PRRC2C: variants seen among roughly 807,000 people sequenced by gnomAD.
PRRC2C encodes proline rich coiled-coil 2C, also known as protein PRRC2C.
A neutral mutation model predicts 317.2 loss-of-function variants in PRRC2C; 72 were observed. That is an observed-to-expected ratio of 0.23 (90% CI 0.19 to 0.28). The LOEUF is 0.28. Among genes scored for constraint, PRRC2C ranks in the 10% least tolerant of loss-of-function variants. PRRC2C has a pLI of 1.00. For missense variants in PRRC2C, 3,074 were observed against 3,459.7 expected (o/e 0.89, Z 2.80); for synonymous variants, 1,296 against 1,205.9 (o/e 1.07, Z -1.55).
chr1:171,591,876 AGGGGGGCG>A lies in PRRC2C; in HGVS notation c.*32_*39del. 1.6e-6 allele frequency: 1 copy of A among 616,336 alleles called. No homozygotes were observed. The highest frequency in any genetic ancestry group is 2.6e-6 in the Non-Finnish European group (1 of 381,350). The allele number at this position is 616,336 out of a possible 1,614,324, so 38.2% of individuals were successfully genotyped here. ...CTATGGTTTATTGCAGGGGATTGGG[AGGGGGGCG>A]GGAAAACATGGAGAATTAAGTCAGA... On this transcript the variant is annotated 3_prime_UTR_variant, in exon 35 of 35. Transcript: ENST00000647382.
At chr1:171,558,459 C>CTG (rs34829442) in intron 19 of PRRC2C, among the ~76,000 whole-genome samples, 122,703 of 151,930 alleles carry the variant, frequency 0.81, 49,674 homozygotes, top group Middle Eastern at 0.9. Flanking sequence ...TTCATGGTAA[C>CTG]TGTCAAGCAA....
chr1:171,584,611 CCAAGATG>C (rs1257574403), intron 30 of PRRC2C, 85 bp downstream of exon 30: 7 of 1,411,664 alleles, frequency 5.0e-6, no homozygotes, highest in Non-Finnish European at 6.6e-6. Flanking sequence ...TTAAATTGAA[CCAAGATG>C]CAAGATGGAG....
intron 18 of PRRC2C, among the ~76,000 whole-genome samples, chr1:171,556,390 A>G (rs1681414480): frequency 6.6e-6 from 1 of 152,174 alleles, no homozygotes; most frequent in South Asian, 2.1e-4. Context: ...GGGTGAGGCA[A>G]TGCCCTGCCC....
At position 171,541,147 on chromosome 1, in the gene PRRC2C, G is replaced by A. The variant is rs1357556266; in HGVS notation, c.3681G>A (p.Lys1227=). ...ATTATCCTCAGTATAGAGACAATAA[G>A]CCAAGAGCAGAGCATATACCCTCAG... ...TRDYPQYRDN[K]PRAEHIPSGP... Residue 1227 remains lysine, a synonymous_variant, in exon 16 of 35, where the codon AAG becomes AAA. Coordinates refer to ENST00000647382, the MANE Select transcript of PRRC2C (RefSeq NM_001387844.1). The surrounding 1 kb of genome is among the most constrained non-coding windows in gnomAD (Gnocchi z 4.1). 3 of 1,613,666 alleles carry A rather than the reference G, an allele frequency of 1.9e-6. No individual in the cohort carries two copies. Among genetic ancestry groups the A allele is most frequent in the Admixed American group, 1.7e-5 (1 of 59,936 alleles).
At chr1:171,496,693 C>T (rs1323179865) in intron 1 of PRRC2C, among the ~76,000 whole-genome samples, 1 of 151,986 alleles carries the variant, frequency 6.6e-6, no homozygotes, top group South Asian at 2.1e-4. Flanking sequence ...TCACCAGAAA[C>T]TTTAAATTTA....
chr1:171,506,195 C>T (rs540646666), intron 1 of PRRC2C, among the ~76,000 whole-genome samples: 13 of 152,298 alleles, frequency 8.5e-5, no homozygotes, highest in Admixed American at 6.5e-4. Flanking sequence ...CCGTGCCCAG[C>T]CAATTTTGCC....
intron 13 of PRRC2C, 58 bp downstream of exon 13, chr1:171,535,655 G>A (rs1429110499): frequency 1.3e-6 from 2 of 1,534,086 alleles, no homozygotes; most frequent in Non-Finnish European, 8.9e-7. Context: ...TTATGCAGTA[G>A]TCTGGGAAAT....
Position 171,535,474 on chromosome 1 carries a change from G to A in PRRC2C, c.1920G>A (p.Lys640=). The change falls in exon 13 of 35, where the codon AAG becomes AAA. Residue 640 remains lysine, a synonymous_variant. Transcript: ENST00000647382. ...GACAAGACAGCAATCGCAGTGAAAA[G>A]GAAGCCACACCAGTGGTGCATGAAA... ...FTRQDSNRSE[K]EATPVVHETE... 1.2e-6 allele frequency: 2 copies of A among 1,613,936 alleles called. No individual in the cohort carries two copies. Among genetic ancestry groups the A allele is most frequent in the Non-Finnish European group, 1.7e-6 (2 of 1,179,864 alleles).
intron 17 of PRRC2C, among the ~76,000 whole-genome samples, chr1:171,548,932 G>A (rs1209599808): frequency 1.3e-5 from 2 of 151,886 alleles, no homozygotes; most frequent in Non-Finnish European, 2.9e-5. Flanking sequence ...GCTCATTGCA[G>A]TCTCAACCTC....
chr1:171,522,290 G>A (rs774548498), intron 7 of PRRC2C, 31 bp downstream of exon 7: 2 of 1,410,314 alleles, frequency 1.4e-6, no homozygotes, highest in Non-Finnish European at 2.0e-6. Context: ...AAGTCTGTAA[G>A]GAATATATGC....
rs372650554 is a variant in PRRC2C at position 171,542,026 on chromosome 1, C to T, written c.4560C>T (p.Asp1520=). Residue 1520 remains aspartate (D), a synonymous_variant, in exon 16 of 35, where the codon GAC becomes GAT. Transcript: ENST00000647382. ...RRERDEKKNA[D]LNAQTVVKVG... ...AGAGGGATGAAAAAAAAAATGCTGACTTGAATGCACAAACAGTTGTAAAGG... is the reference window on the plus strand; with the variant it reads ...AGAGGGATGAAAAAAAAAATGCTGATTTGAATGCACAAACAGTTGTAAAGG... The T allele has an allele frequency of 1.9e-6, 3 of 1,613,634 alleles. No homozygotes were observed. Among genetic ancestry groups the T allele is most frequent in the African/African-American group, 1.3e-5 (1 of 74,854 alleles).
chr1:171,572,823 T>G (rs1378066431), intron 24 of PRRC2C, among the ~76,000 whole-genome samples: 1 of 152,244 alleles, frequency 6.6e-6, no homozygotes, highest in Non-Finnish European at 1.5e-5. Context: ...CAACTTTGCC[T>G]TTCACTCATG....
chr1:171,495,213 G>A (rs1667905116), intron 1 of PRRC2C, among the ~76,000 whole-genome samples: 1 of 152,178 alleles, frequency 6.6e-6, no homozygotes, highest in Non-Finnish European at 1.5e-5. Flanking sequence ...TTATAAAGCA[G>A]TATTGTCACA....
intron 1 of PRRC2C, among the ~76,000 whole-genome samples, chr1:171,490,991 A>G (rs1411658726): frequency 6.6e-6 from 1 of 152,212 alleles, no homozygotes; most frequent in Non-Finnish European, 1.5e-5. Context: ...ATCTCAGAGG[A>G]CTATTGCAAA....
rs1471113729 is a variant in PRRC2C at position 171,591,713 on chromosome 1, C to T, written c.8563C>T (p.Leu2855=). Reference sequence around the variant, plus strand: ...TGATTCAAGTAAACCTCCTGAAACACTGACCGACCCTCCTGGGGTCTGTCA... The same window carrying T: ...TGATTCAAGTAAACCTCCTGAAACATTGACCGACCCTCCTGGGGTCTGTCA... ...DSDSSKPPET[L]TDPPGVCQEK... is the part of the protein sequence containing the mutation. Residue 2855 remains leucine, a synonymous_variant, in exon 35 of 35, where the codon CTG becomes TTG. Transcript: ENST00000647382. 1 of 1,613,832 alleles carries T rather than the reference C, an allele frequency of 6.2e-7. No homozygotes were observed. The highest frequency in any genetic ancestry group is 2.2e-5 in the East Asian group (1 of 44,894).
Position 171,515,870 on chromosome 1 carries a change from T to C in PRRC2C, c.526+11T>C. ...GTTTACGTCCACCAAGTAAGAGTAC[T>C]TTCTCTTTAATACAAAATGAGATCA... On this transcript the variant is annotated intron_variant, in intron 5 of 34. Coordinates refer to ENST00000647382, the MANE Select transcript of PRRC2C (RefSeq NM_001387844.1). 1 of 1,580,340 alleles carries C rather than the reference T, an allele frequency of 6.3e-7. No homozygotes were observed. The highest frequency in any genetic ancestry group is 1.2e-5 in the South Asian group (1 of 85,560).
intron 24 of PRRC2C, among the ~76,000 whole-genome samples, chr1:171,572,369 A>G (rs1256777812): frequency 6.6e-6 from 1 of 152,126 alleles, no homozygotes; most frequent in Admixed American, 6.5e-5. Flanking sequence ...TCTCTAATAT[A>G]GTAGGGCTTC....
At chr1:171,527,875 A>G (rs773018668) in intron 11 of PRRC2C, 31 bp downstream of exon 11, 21 of 1,531,798 alleles carry the variant, frequency 1.4e-5, no homozygotes, top group Middle Eastern at 3.3e-4. Context: ...TATGGATTAT[A>G]TATTTTATTT....
At chr1:171,512,273 T>C in intron 2 of PRRC2C, 73 bp downstream of exon 2, 3 of 1,098,142 alleles carry the variant, frequency 2.7e-6, no homozygotes, top group Non-Finnish European at 4.1e-6. Flanking sequence ...CCTGCTGCTA[T>C]GAGAAGCTAG....
Sources: gnomAD v4.1 joint callset for allele counts (sites outside exome capture counted in the v4.1 genomes callset) on GRCh38, gnomAD v4.1.1 for gene constraint, Gnocchi (gnomAD v3.1) non-coding constraint, MANE v1.5 for transcripts, NCBI Gene and HGNC (gene_info 2026-07-23, HGNC 2026-07-21) for gene names.